Variants in HMGCS1 observed in about 807,000 individuals in gnomAD.
HMGCS1 encodes the protein 3-hydroxy-3-methylglutaryl-CoA synthase 1.
In HMGCS1, 9 loss-of-function variants were observed where a neutral mutation model predicts 52.3. The observed-to-expected ratio is 0.17, with a 90% CI of 0.10 to 0.30. HMGCS1 has a LOEUF of 0.30. HMGCS1 is among the 10% of genes least tolerant of loss of function. HMGCS1 has a pLI of 1.00. For missense variants in HMGCS1, 320 were observed against 620.9 expected, an observed-to-expected ratio of 0.52 and a Z score of 5.15; for synonymous variants, 176 against 214.4, an observed-to-expected ratio of 0.82 and a Z score of 1.57.
rs897404962 is a variant in HMGCS1, at chr5:43,288,374, C to T, written c.*2757G>A. The T allele has an allele frequency of 2.6e-5, 4 of 152,116 alleles. No individual in the cohort carries two copies. The highest frequency in any genetic ancestry group is 4.4e-5 in the Non-Finnish European group (3 of 68,030). The allele number at this position is 152,116 out of a possible 1,614,324, so 9.4% of individuals were successfully genotyped here. ...TTAAAGAAAGGGTTCACTTTTATGT[C>T]AAGATCAGACAACTTTAAATTATTT... On this transcript the variant is annotated 3_prime_UTR_variant, in exon 11 of 11. Transcript: ENST00000325110.
intron 2 of HMGCS1, among the ~76,000 whole-genome samples, chr5:43,302,811 G>T (rs779335073): frequency 2.6e-5 from 4 of 152,154 alleles, no homozygotes; most frequent in East Asian, 1.9e-4. Flanking sequence ...CAAAACCTTC[G>T]CATTCTTTTT....
chr5:43,301,423 G>A (rs1487078917), intron 2 of HMGCS1, among the ~76,000 whole-genome samples: 1 of 152,124 alleles, frequency 6.6e-6, no homozygotes. Flanking sequence ...TCAGGTCAGT[G>A]TTTTTCCAAC....
chr5:43,313,076 T>C (rs10039048), intron 1 of HMGCS1: 85,241 of 151,964 alleles, frequency 0.56, 24,466 homozygotes, highest in Middle Eastern at 0.73. Flanking sequence ...GTCGTTAGAA[T>C]ACCTAGACCT....
At chr5:43,292,062 A>C (rs1033014605) in intron 10 of HMGCS1, among the ~76,000 whole-genome samples, 1 of 130,648 alleles carries the variant, frequency 7.7e-6, no homozygotes, top group Non-Finnish European at 1.5e-5. Context: ...GTGTGATCTC[A>C]GCTTACTGCA....
In HMGCS1 at chr5:43,291,096, A is replaced by ACCCC; in HGVS notation, c.*31_*34dup. 2 of 446,584 alleles carry ACCCC rather than the reference A, an allele frequency of 4.5e-6. No individual in the cohort carries two copies. Among genetic ancestry groups the ACCCC allele is most frequent in the South Asian group, 1.8e-5 (1 of 57,058 alleles). 27.7% of individuals were successfully genotyped at this position (446,584 alleles called of 1,614,324 possible). A position where few individuals can be genotyped will look rare whatever the true frequency, so the allele number is the denominator to read the frequency against. On this transcript the variant is annotated 3_prime_UTR_variant, in exon 11 of 11. Coordinates refer to ENST00000325110, the MANE Select transcript of HMGCS1 (RefSeq NM_001098272.3). ...GTTCCCATACCCCCACCCCATGCCC[A>ACCCC]CCCCACCCTGAAGTCTTGCACCTCA...
At chr5:43,310,923 A>G (rs1754829037) in intron 1 of HMGCS1, among the ~76,000 whole-genome samples, 1 of 152,190 alleles carries the variant, frequency 6.6e-6, no homozygotes, top group Admixed American at 6.5e-5. Context: ...TGAAGACAAC[A>G]CTTCAGGCTT....
rs2111671207 is a variant in HMGCS1, at chr5:43,298,382, A to T, written c.448+136T>A. 1 of 698,802 alleles carries T rather than the reference A, an allele frequency of 1.4e-6. No individual in the cohort carries two copies. The highest frequency in any genetic ancestry group is 1.9e-5 in the South Asian group (1 of 51,746). 43.3% of individuals were successfully genotyped at this position (698,802 alleles called of 1,614,324 possible). A position where few individuals can be genotyped will look rare whatever the true frequency, so the allele number is the denominator to read the frequency against. ...CAATTCGGATAATGACAGACAGGTA[A>T]AATATCTTTCTTAATATATCCAAAC... is the stretch of plus-strand genomic sequence containing the variant. On this transcript the variant is annotated intron_variant, in intron 3 of 10. Coordinates refer to ENST00000325110, the MANE Select transcript of HMGCS1 (RefSeq NM_001098272.3). This position sits in a 1 kb window ranked among gnomAD's most constrained non-coding sequence, Gnocchi z 5.6.
intron 2 of HMGCS1, among the ~76,000 whole-genome samples, chr5:43,307,067 A>AT (rs59297862): frequency 0.09 from 11,142 of 123,668 alleles, 1,321 homozygotes; most frequent in African/African-American, 0.27. Flanking sequence ...TTCTCACATA[A>AT]TTTTTTTTTT....
Position 43,295,815 on chromosome 5 carries a change from T to A in HMGCS1, c.842A>T (p.Asn281Ile). Residue 281 changes from asparagine (N) to isoleucine (I), a missense_variant, in exon 6 of 11, where the codon AAT (asparagine) becomes ATT (isoleucine). Coordinates refer to ENST00000325110, the MANE Select transcript of HMGCS1 (RefSeq NM_001098272.3). ...TCTATTCTGGTCATTAAGGAAGTCA[T>A]TCAGCAACATCCGAGCTAGAGATTT... The part of the protein sequence containing the change: ...VQKSLARMLL[N>I]DFLNDQNRDK... 6.2e-7 allele frequency: 1 copy of A among 1,613,424 alleles called. No individual in the cohort carries two copies. The highest frequency in any genetic ancestry group is 8.5e-7 in the Non-Finnish European group (1 of 1,179,452).
At chr5:43,309,987 G>A (rs949593200) in intron 1 of HMGCS1, among the ~76,000 whole-genome samples, 1 of 152,188 alleles carries the variant, frequency 6.6e-6, no homozygotes, top group Non-Finnish European at 1.5e-5. Flanking sequence ...TCAAAGAAGT[G>A]GTTGGAGAAG....
chr5:43,301,138 G>GT (rs1223373292), intron 2 of HMGCS1, among the ~76,000 whole-genome samples: 1 of 152,200 alleles, frequency 6.6e-6, no homozygotes, highest in Admixed American at 6.5e-5. Flanking sequence ...ATGGGTAGGA[G>GT]TAAGCAGTAA....
chr5:43,307,403 C>T (rs1030782703), intron 2 of HMGCS1, among the ~76,000 whole-genome samples: 18 of 152,094 alleles, frequency 1.2e-4, no homozygotes, highest in Non-Finnish European at 2.2e-4. Flanking sequence ...CATTCATCCA[C>T]AGCCCAGATA....
Position 43,291,115 on chromosome 5 carries a change from C to T in HMGCS1, c.*16G>A, listed in dbSNP as rs941843706. 3.0e-5 allele frequency: 19 copies of T among 630,448 alleles called. No individual in the cohort carries two copies. Among genetic ancestry groups the T allele is most frequent in the Non-Finnish European group, 4.8e-5 (17 of 353,338 alleles). 39.1% of individuals were successfully genotyped at this position (630,448 alleles called of 1,614,324 possible). On this transcript the variant is annotated 3_prime_UTR_variant, in exon 11 of 11. Transcript: ENST00000325110. ...ATGCCCACCCCACCCTGAAGTCTTGCACCTCACAGAGTATCTTAATGTTCC... is the reference window on the plus strand; with the variant it reads ...ATGCCCACCCCACCCTGAAGTCTTGTACCTCACAGAGTATCTTAATGTTCC...
chr5:43,295,190 C>G (rs184707017), intron 6 of HMGCS1, among the ~76,000 whole-genome samples: 1 of 152,278 alleles, frequency 6.6e-6, no homozygotes, highest in East Asian at 1.9e-4. Flanking sequence ...GAATAGAATA[C>G]TATTTCAAGT....
At chr5:43,291,824 T>C (rs935320428) in intron 10 of HMGCS1, among the ~76,000 whole-genome samples, 2 of 152,048 alleles carry the variant, frequency 1.3e-5, no homozygotes, top group Admixed American at 6.6e-5. Context: ...TCTTGACAAT[T>C]TGAGGACAGA....
At chr5:43,310,574 T>C (rs1334745613) in intron 1 of HMGCS1, among the ~76,000 whole-genome samples, 2 of 152,220 alleles carry the variant, frequency 1.3e-5, no homozygotes, top group African/African-American at 2.4e-5. Flanking sequence ...AGGACAAATC[T>C]TTTAGATTTA....
rs1480432689 is a variant in HMGCS1 at position 43,291,093 on chromosome 5, C to T, written c.*38G>A. On this transcript the variant is annotated 3_prime_UTR_variant, in exon 11 of 11. Coordinates refer to ENST00000325110, the MANE Select transcript of HMGCS1 (RefSeq NM_001098272.3). The stretch of plus-strand genomic sequence containing the variant: ...ACTGTTCCCATACCCCCACCCCATG[C>T]CCACCCCACCCTGAAGTCTTGCACC... 1.6e-5 allele frequency: 9 copies of T among 568,878 alleles called. No individual in the cohort carries two copies. Among genetic ancestry groups the T allele is most frequent in the Non-Finnish European group, 2.1e-5 (6 of 287,272 alleles). 35.2% of individuals were successfully genotyped at this position (568,878 alleles called of 1,614,324 possible). A position where few individuals can be genotyped will look rare whatever the true frequency, so the allele number is the denominator to read the frequency against.
intron 10 of HMGCS1, 84 bp downstream of exon 10, chr5:43,292,390 C>T: frequency 3.9e-6 from 3 of 759,890 alleles, no homozygotes; most frequent in Non-Finnish European, 6.0e-6. Flanking sequence ...CCTTACTCTT[C>T]TTTACTGACA....
chr5:43,307,991 T>C (rs1432897308), intron 1 of HMGCS1, among the ~76,000 whole-genome samples, 167 bp from the exon 2 acceptor site: 1 of 152,194 alleles, frequency 6.6e-6, no homozygotes, highest in Non-Finnish European at 1.5e-5. Context: ...TTAAAGCTTA[T>C]AGAACATTTT....
Sources: allele counts gnomAD v4.1 joint callset (sites outside exome capture counted in the v4.1 genomes callset), GRCh38; gene constraint gnomAD v4.1.1; non-coding constraint Gnocchi (gnomAD v3.1); transcripts MANE v1.5; gene names NCBI Gene and HGNC (gene_info 2026-07-23, HGNC 2026-07-21).